The following FAM171A2 variants were observed in gnomAD, a reference collection of about 807,000 sequenced individuals.
The protein encoded by FAM171A2 is protein FAM171A2.
FAM171A2 carries 13 observed loss-of-function variants against 34.2 expected under a neutral mutation model. The observed-to-expected ratio is 0.38, with a 90% CI of 0.25 to 0.60. The LOEUF (loss-of-function observed/expected upper bound fraction) is 0.60. Ranked by LOEUF, FAM171A2 falls within the 20% of genes least tolerant of loss-of-function variation. The pLI is 0.62. For synonymous variants in FAM171A2, 475 were observed against 561.2 expected (o/e 0.85, Z 2.17); for missense variants, 950 against 1,180.7 (o/e 0.80, Z 2.86).
rs2048407944 is a variant in FAM171A2 at position 44,354,266 on chromosome 17, G to T, written c.1948C>A (p.His650Asn). 1 of 1,453,092 alleles carries T rather than the reference G, an allele frequency of 6.9e-7. No individual in the cohort carries two copies. The allele number at this position is 1,453,092 out of a possible 1,614,324, so 90.0% of individuals were successfully genotyped here. A position where few individuals can be genotyped will look rare whatever the true frequency, so the allele number is the denominator to read the frequency against. ...KKLLELGVKP[H>N]PRAWFVSLDG... ...AGGGACACGAACCAGGCGCGCGGGT[G>T]CGGCTTCACGCCCAGTTCCAGCAGC... The change falls in exon 8 of 8, where the codon CAC (histidine) becomes AAC (asparagine). Residue 650 changes from histidine to asparagine, a missense_variant. Around this residue, in one of 3 missense-constraint regions of FAM171A2, gnomAD observed 752 missense variants for 924.5 expected, o/e 0.81. Transcript: ENST00000293443. The surrounding 1 kb of genome is among the most constrained non-coding windows in gnomAD (Gnocchi z 5.8).
chr17:44,362,323 G>T (rs2048451436), intron 1 of FAM171A2, among the ~76,000 whole-genome samples: 1 of 152,084 alleles, frequency 6.6e-6, no homozygotes, highest in South Asian at 2.1e-4. Flanking sequence ...AGAGCTGGGG[G>T]AGACTGAGGC....
Position 44,360,138 on chromosome 17 carries a change from G to A in FAM171A2, c.119-6C>T, listed in dbSNP as rs1280088637. On this transcript the variant is annotated splice_polypyrimidine_tract_variant and splice_region_variant and intron_variant, in intron 1 of 7. Transcript: ENST00000293443. Reference sequence around the variant, plus strand: ...CTGCACCTTGATCAGGATCTCTGTGGGCAAGATGGGGCAAAGGGAGTGAGG... The same window carrying A: ...CTGCACCTTGATCAGGATCTCTGTGAGCAAGATGGGGCAAAGGGAGTGAGG... The A allele has an allele frequency of 5.2e-6, 8 of 1,549,670 alleles. No homozygotes were observed. The highest frequency in any genetic ancestry group is 4.9e-5 in the East Asian group (2 of 40,914).
chr17:44,363,440 C>T (rs2048456153), intron 1 of FAM171A2, among the ~76,000 whole-genome samples, 157 bp downstream of exon 1: 1 of 152,184 alleles, frequency 6.6e-6, no homozygotes, highest in African/African-American at 2.4e-5. Context: ...CACTTTCCCC[C>T]AGAAGCGCCA....
chr17:44,354,024 C>T lies in FAM171A2; in HGVS notation c.2190G>A (p.Thr730=). Residue 730 remains threonine, a synonymous_variant, in exon 8 of 8, where the codon ACG becomes ACA. Coordinates refer to ENST00000293443, the MANE Select transcript of FAM171A2 (RefSeq NM_198475.3). The surrounding 1 kb of genome is among the most constrained non-coding windows in gnomAD (Gnocchi z 5.8). ...APPRLALSED[T]EPSSSESRTG... Reference sequence around the variant, plus strand: ...TGCGGCTCTCGCTGCTGCTGGGCTCCGTGTCCTCGCTGAGCGCCAGGCGCG... The same window carrying T: ...TGCGGCTCTCGCTGCTGCTGGGCTCTGTGTCCTCGCTGAGCGCCAGGCGCG... 8.5e-7 allele frequency: 1 copy of T among 1,179,770 alleles called. No individual in the cohort carries two copies. The highest frequency in any genetic ancestry group is 1.0e-6 in the Non-Finnish European group (1 of 955,048). 73.1% of individuals were successfully genotyped at this position (1,179,770 alleles called of 1,614,324 possible). A position where few individuals can be genotyped will look rare whatever the true frequency, so the allele number is the denominator to read the frequency against.
chr17:44,355,146 G>T lies in FAM171A2; in HGVS notation c.1068C>A (p.Leu356=). The change falls in exon 8 of 8, where the codon CTC becomes CTA. Residue 356 remains leucine, a synonymous_variant. Transcript: ENST00000293443. This position sits in a 1 kb window ranked among gnomAD's most constrained non-coding sequence, Gnocchi z 4.1. ...GTTTGTTACCGTCAGAGGGCCCCGA[G>T]AGCTGCAGCTTGCGGTGCTGTTGCC... is the stretch of plus-strand genomic sequence containing the variant. ...KPRQQHRKLQ[L]SGPSDGNKRD... The T allele has an allele frequency of 1.9e-6, 3 of 1,551,020 alleles. No individual in the cohort carries two copies. The highest frequency in any genetic ancestry group is 1.7e-6 in the Non-Finnish European group (2 of 1,146,934).
chr17:44,357,201 G>A (rs1180808675), intron 3 of FAM171A2, among the ~76,000 whole-genome samples: 5 of 151,878 alleles, frequency 3.3e-5, no homozygotes, highest in Non-Finnish European at 7.4e-5. Context: ...TACAAAATTA[G>A]CTGGGTGTGG....
Position 44,362,824 on chromosome 17 carries a change from G to C in FAM171A2, c.118+773C>G, listed in dbSNP as rs144115034. 8.1e-3 allele frequency among the ~76,000 whole-genome samples: 1,225 copies of C among 152,150 alleles called. 10 individuals carry two copies. Among genetic ancestry groups the C allele is most frequent in the African/African-American group, 0.028 (1,151 of 41,512 alleles). ...GGAATGCCAGGAGGCCTGCTGAATG[G>C]GGGGGGACCCAGGCACCTGCCCTCC... is the stretch of plus-strand genomic sequence containing the variant. On this transcript the variant is annotated intron_variant, in intron 1 of 7. Transcript: ENST00000293443.
At chr17:44,362,506 G>A (rs1486530691) in intron 1 of FAM171A2, among the ~76,000 whole-genome samples, 1 of 152,180 alleles carries the variant, frequency 6.6e-6, no homozygotes, top group Admixed American at 6.5e-5. Flanking sequence ...TCCTTAGTGT[G>A]GGGGGTGAGG....
chr17:44,353,994 G>A lies in FAM171A2; in HGVS notation c.2220C>T (p.Gly740=), dbSNP rs1280020907. 11 of 1,229,478 alleles carry A rather than the reference G, an allele frequency of 8.9e-6. No individual in the cohort carries two copies. In the African/African-American group the frequency reaches 1.1e-4, roughly 12 times the overall value. 76.2% of individuals were successfully genotyped at this position (1,229,478 alleles called of 1,614,324 possible). The change falls in exon 8 of 8, where the codon GGC becomes GGT. Residue 740 remains glycine, a synonymous_variant. Transcript: ENST00000293443. ...GCGAGTTGTCCTCCGGAGAGCAGAGGCCCGTGCGGCTCTCGCTGCTGCTGG... is the reference window on the plus strand; with the variant it reads ...GCGAGTTGTCCTCCGGAGAGCAGAGACCCGTGCGGCTCTCGCTGCTGCTGG... ...TEPSSSESRT[G]LCSPEDNSLT...
In FAM171A2 at chr17:44,359,368, CCTT is replaced by C. The variant is rs2048438548; in HGVS notation, c.439+208_439+210del. The C allele has an allele frequency of 1.5e-5, 9 of 591,092 alleles. No individual in the cohort carries two copies. In the South Asian group the frequency reaches 1.8e-4, roughly 12 times the overall value. 36.6% of individuals were successfully genotyped at this position (591,092 alleles called of 1,614,324 possible). On this transcript the variant is annotated intron_variant, in intron 3 of 7. Coordinates refer to ENST00000293443, the MANE Select transcript of FAM171A2 (RefSeq NM_198475.3). Reference sequence around the variant, plus strand: ...GATAACTGTAAACATTTATTGAACACCTTCTGTACTGTGTTTTTTCACTTTGTG... The same window carrying C: ...GATAACTGTAAACATTTATTGAACACCTGTACTGTGTTTTTTCACTTTGTG...
At position 44,359,590 on chromosome 17, in the gene FAM171A2, A is replaced by G; in HGVS notation, c.428T>C (p.Leu143Pro). Residue 143 changes from leucine to proline, a missense_variant, in exon 3 of 8, where the codon CTA (leucine) becomes CCA (proline). Coordinates refer to ENST00000293443, the MANE Select transcript of FAM171A2 (RefSeq NM_198475.3). ...AGGGGGAGCCTTACCGGGAGAGCCT[A>G]GGAGAATGTGCACCAGGTCCTCATA... ...ILYEDLVHILLGSPGARSQPL... is the reference protein window; with the variant it reads ...ILYEDLVHILPGSPGARSQPL... 1 of 1,551,268 alleles carries G rather than the reference A, an allele frequency of 6.4e-7. No homozygotes were observed. Among genetic ancestry groups the G allele is most frequent in the Non-Finnish European group, 8.7e-7 (1 of 1,146,886 alleles).
In FAM171A2 at chr17:44,355,510, G is replaced by A. The variant is rs1265700649; in HGVS notation, c.1022+205C>T. On this transcript the variant is annotated intron_variant, in intron 7 of 7. Transcript: ENST00000293443. The surrounding 1 kb of genome is among the most constrained non-coding windows in gnomAD (Gnocchi z 4.1). ...GGCAGTGGCAGATCTCTCTGGAGGG[G>A]CCGGGCTGCAAGTCCTTAAGCCCTG... 6.6e-6 allele frequency among the ~76,000 whole-genome samples: 1 copy of A among 152,218 alleles called. No homozygotes were observed. The highest frequency in any genetic ancestry group is 2.4e-5 in the African/African-American group (1 of 41,454).
intron 3 of FAM171A2, among the ~76,000 whole-genome samples, 176 bp from the exon 4 acceptor site, chr17:44,356,764 G>T (rs2048426118): frequency 6.6e-6 from 1 of 152,216 alleles, no homozygotes; most frequent in Admixed American, 6.5e-5. Context: ...ACCTGGAAGG[G>T]ACATGGACCT....
chr17:44,355,249 C>T lies in FAM171A2; in HGVS notation c.1023-58G>A. On this transcript the variant is annotated intron_variant, in intron 7 of 7. Coordinates refer to ENST00000293443, the MANE Select transcript of FAM171A2 (RefSeq NM_198475.3). This position sits in a 1 kb window ranked among gnomAD's most constrained non-coding sequence, Gnocchi z 4.1. ...GAAAGGGTGAGGGCCAAAGTAGGCC[C>T]CGAACCCCCTTAGATGCAAGACAAG... 6.5e-7 allele frequency: 1 copy of T among 1,534,888 alleles called. No homozygotes were observed. Among genetic ancestry groups the T allele is most frequent in the Non-Finnish European group, 8.8e-7 (1 of 1,141,702 alleles).
intron 3 of FAM171A2, 115 bp from the exon 4 acceptor site, chr17:44,356,703 G>GCCA: frequency 8.5e-7 from 1 of 1,182,028 alleles, no homozygotes; most frequent in African/African-American, 1.5e-5. Context: ...ACTTTGGAAG[G>GCCA]CCAGGGAGGG....
chr17:44,354,567 G>T lies in FAM171A2; in HGVS notation c.1647C>A (p.Leu549=). The change falls in exon 8 of 8, where the codon CTC becomes CTA. Residue 549 remains leucine, a synonymous_variant. Transcript: ENST00000293443. The surrounding 1 kb of genome is among the most constrained non-coding windows in gnomAD (Gnocchi z 5.8). Reference sequence around the variant, plus strand: ...CGCCGGCGGCGCCCGCCTCGCCGCCGAGGCGCACGTAGTGCGCGGGGATCA... The same window carrying T: ...CGCCGGCGGCGCCCGCCTCGCCGCCTAGGCGCACGTAGTGCGCGGGGATCA... ...TLVIPAHYVR[L]GGEAGAAGVG... The T allele has an allele frequency of 8.2e-7, 1 of 1,212,652 alleles. No individual in the cohort carries two copies. Among genetic ancestry groups the T allele is most frequent in the South Asian group, 4.1e-5 (1 of 24,668 alleles). The allele number at this position is 1,212,652 out of a possible 1,614,324, so 75.1% of individuals were successfully genotyped here. A position where few individuals can be genotyped will look rare whatever the true frequency, so the allele number is the denominator to read the frequency against.
rs1233939893 is a variant in FAM171A2 at position 44,354,847 on chromosome 17, C to T, written c.1367G>A (p.Gly456Asp). 2.2e-5 allele frequency: 28 copies of T among 1,284,848 alleles called. No individual in the cohort carries two copies. Among genetic ancestry groups the T allele is most frequent in the Non-Finnish European group, 2.6e-5 (27 of 1,019,254 alleles). 79.6% of individuals were successfully genotyped at this position (1,284,848 alleles called of 1,614,324 possible). ...SAEGPGGLEP[G>D]LEEHRRGPSG... ...GGGCCCCCGCCGGTGCTCCTCTAGG[C>T]CGGGCTCCAGCCCGCCGGGGCCCTC... The change falls in exon 8 of 8, where the codon GGC (glycine) becomes GAC (aspartate). Residue 456 changes from glycine to aspartate, a missense_variant. This residue lies in a region of FAM171A2 where 752 missense variants were observed against 924.5 expected (regional missense o/e 0.81). Transcript: ENST00000293443. This position sits in a 1 kb window ranked among gnomAD's most constrained non-coding sequence, Gnocchi z 5.8.
intron 3 of FAM171A2, 95 bp downstream of exon 3, chr17:44,359,484 G>T (rs2048438948): frequency 9.4e-7 from 1 of 1,059,268 alleles, no homozygotes; most frequent in Non-Finnish European, 1.4e-6. Context: ...GAAGTGACTT[G>T]CCCAAGGACA....
chr17:44,355,026 G>T lies in FAM171A2; in HGVS notation c.1188C>A (p.Gly396=). The T allele has an allele frequency of 2.0e-6, 3 of 1,531,190 alleles. No individual in the cohort carries two copies. The highest frequency in any genetic ancestry group is 2.5e-5 in the East Asian group (1 of 40,788). The allele number at this position is 1,531,190 out of a possible 1,614,324, so 94.9% of individuals were successfully genotyped here. A position where few individuals can be genotyped will look rare whatever the true frequency, so the allele number is the denominator to read the frequency against. ...AGCTGGAGAAGGCCGAGTGGAGGGG[G>T]CCTGGAGGCGGAGCCTCGGGGTCCC... ...PSGDPEAPPP[G]PLHSAFSSSR... is the part of the protein sequence containing the mutation. Residue 396 remains glycine (G), a synonymous_variant, in exon 8 of 8, where the codon GGC becomes GGA. Coordinates refer to ENST00000293443, the MANE Select transcript of FAM171A2 (RefSeq NM_198475.3). The surrounding 1 kb of genome is among the most constrained non-coding windows in gnomAD (Gnocchi z 4.1).
Sources: allele counts gnomAD v4.1 joint callset (sites outside exome capture counted in the v4.1 genomes callset), GRCh38; gene constraint gnomAD v4.1.1; regional missense constraint gnomAD v4.1.1; non-coding constraint Gnocchi (gnomAD v3.1); transcripts MANE v1.5; gene names NCBI Gene and HGNC (gene_info 2026-07-23, HGNC 2026-07-21).